The following EIF1AY variants were observed in gnomAD, a reference collection of about 807,000 sequenced individuals.
EIF1AY encodes the protein eukaryotic translation initiation factor 1A Y-linked.
For synonymous variants in EIF1AY, 16 were observed against 9.9 expected (o/e 1.62, Z -1.16); for missense variants, 19 against 30.6 (o/e 0.62, Z 0.89).
rs772483555 is a variant in EIF1AY at position 20,589,557 on chromosome Y, T to C, written c.411T>C (p.Asp137=). 1 of 361,402 alleles carries C rather than the reference T, an allele frequency of 2.8e-6. No homozygotes were observed. Among genetic ancestry groups the C allele is most frequent in the Non-Finnish European group, 4.0e-6 (1 of 249,248 alleles). 90.1% of individuals were successfully genotyped at this position (361,402 alleles called of 400,897 possible). A position where few individuals can be genotyped will look rare whatever the true frequency, so the allele number is the denominator to read the frequency against. ...TCCAGTTTGACGATATTGGAGATGA[T>C]GATGAAGACATTGATGATGTAAGTA... ...DEIQFDDIGD[D]DEDIDDI Residue 137 remains aspartate (D), a synonymous_variant, in exon 6 of 7, where the codon GAT becomes GAC. Coordinates refer to ENST00000361365, the MANE Select transcript of EIF1AY (RefSeq NM_004681.4).
At chrY:20,576,261 A>G in intron 1 of EIF1AY, among the ~76,000 whole-genome samples, 2 of 33,767 alleles carry the variant, frequency 5.9e-5, no homozygotes, top group Admixed American at 2.6e-4. Context: ...TGGACAGTTA[A>G]AAGTATTGCT....
chrY:20,579,994 G>A, intron 2 of EIF1AY, among the ~76,000 whole-genome samples: 3 of 30,075 alleles, frequency 1.0e-4, no homozygotes, highest in Non-Finnish European at 1.6e-4. Context: ...CAGCCCTTTG[G>A]AAAGCGAGGT....
At chrY:20,580,420 T>G in intron 2 of EIF1AY, among the ~76,000 whole-genome samples, 1 of 33,016 alleles carries the variant, frequency 3.0e-5, no homozygotes, top group African/African-American at 1.2e-4. Context: ...TGTAATACAA[T>G]TCTAATAATT....
At chrY:20,575,955 G>C in intron 1 of EIF1AY, 68 bp downstream of exon 1, 1 of 315,490 alleles carries the variant, frequency 3.2e-6, no homozygotes, top group Non-Finnish European at 4.7e-6. Context: ...CCTGTTCCAG[G>C]CCGCAGTGAC....
intron 4 of EIF1AY, chrY:20,586,818 GTT>G (rs2089354737): frequency 3.0e-5 from 1 of 33,691 alleles, no homozygotes; most frequent in African/African-American, 1.2e-4. Flanking sequence ...CATTGACTTT[GTT>G]TCTTTTTCAT....
chrY:20,583,380 GAAAA>G, intron 3 of EIF1AY, among the ~76,000 whole-genome samples: 1 of 24,622 alleles, frequency 4.1e-5, no homozygotes, highest in African/African-American at 1.6e-4. Context: ...ATCTCAAAAA[GAAAA>G]AAAAAAAAAT....
In EIF1AY at chrY:20,575,915, C is replaced by T. The variant is rs9341310; in HGVS notation, c.16+28C>T. 3 of 374,989 alleles carry T rather than the reference C, an allele frequency of 8.0e-6. No homozygotes were observed. In the South Asian group the frequency reaches 9.7e-5, roughly 12 times the overall value. 93.5% of individuals were successfully genotyped at this position (374,989 alleles called of 400,897 possible). ...ACTGCTGTAAGCCTCTGGGACTATA[C>T]CTCGGCTTGCTCTGCCAGTAACCCC... is the stretch of plus-strand genomic sequence containing the variant. On this transcript the variant is annotated intron_variant, in intron 1 of 6. Coordinates refer to ENST00000361365, the MANE Select transcript of EIF1AY (RefSeq NM_004681.4).
chrY:20,590,362 G>A, intron 6 of EIF1AY, among the ~76,000 whole-genome samples: 1 of 32,126 alleles, frequency 3.1e-5, no homozygotes, highest in Non-Finnish European at 7.6e-5. Flanking sequence ...AAAGTCCAGC[G>A]GGCGTGGTGG....
intron 3 of EIF1AY, among the ~76,000 whole-genome samples, chrY:20,583,294 G>T: frequency 0.33 from 2 of 6 alleles, no homozygotes; most frequent in African/African-American, 0.67. Context: ...TGAGGAGGCT[G>T]AGCCAGGAGT....
At position 20,590,089 on chromosome Y, in the gene EIF1AY, A is replaced by G. The variant is rs576414657; in HGVS notation, c.429+514A>G. Among the ~76,000 whole-genome samples the G allele has an allele frequency of 1.8e-3, 47 of 26,853 alleles. No homozygotes were observed. The South Asian group carries it at 0.026, about 15-fold the overall frequency. The allele number at this position is 26,853 out of a possible 37,273, so 72.0% of individuals were successfully genotyped here. On this transcript the variant is annotated intron_variant, in intron 6 of 6. Transcript: ENST00000361365. ...TTGAGAGAGAGAGAGGGAGAGGGGG[A>G]GAGAGAGAGAGAGAGAGAGAGAGTG...
chrY:20,580,706 G>A, intron 2 of EIF1AY, among the ~76,000 whole-genome samples: 1 of 33,312 alleles, frequency 3.0e-5, no homozygotes, highest in African/African-American at 1.2e-4. Flanking sequence ...CAGATAACTA[G>A]TAACATGAAT....
At chrY:20,575,977 C>T in intron 1 of EIF1AY, 90 bp downstream of exon 1, 1 of 249,076 alleles carries the variant, frequency 4.0e-6, no homozygotes, top group Non-Finnish European at 6.4e-6. Context: ...GTTCTAACGG[C>T]GGTACTGGCC....
chrY:20,590,313 A>G, intron 6 of EIF1AY, among the ~76,000 whole-genome samples: 1 of 32,386 alleles, frequency 3.1e-5, no homozygotes, highest in South Asian at 7.0e-4. Context: ...GTCATTCTTG[A>G]TGTAATCTGT....
At chrY:20,581,810 T>C (rs1024727512) in intron 2 of EIF1AY, among the ~76,000 whole-genome samples, 2 of 33,465 alleles carry the variant, frequency 6.0e-5, no homozygotes, top group Non-Finnish European at 1.5e-4. Context: ...TATTTTGAAA[T>C]GTGCCACCGT....
At chrY:20,577,718 C>G in intron 1 of EIF1AY, among the ~76,000 whole-genome samples, 1 of 27,197 alleles carries the variant, frequency 3.7e-5, no homozygotes, top group Non-Finnish European at 8.4e-5. Context: ...AGGAGAATGG[C>G]GTGAACCCGG....
intron 1 of EIF1AY, among the ~76,000 whole-genome samples, chrY:20,576,209 A>G: frequency 3.0e-5 from 1 of 33,604 alleles, no homozygotes. Context: ...CTTCCCTGCT[A>G]CTTTCCTGGA....
At chrY:20,590,633 C>CA (rs779872718) in intron 6 of EIF1AY, among the ~76,000 whole-genome samples, 29 of 16,805 alleles carry the variant, frequency 1.7e-3, no homozygotes, top group Admixed American at 4.7e-3. Context: ...GACTCCATCT[C>CA]AAAAAAAAAA....
chrY:20,577,239 G>A, intron 1 of EIF1AY, among the ~76,000 whole-genome samples: 1 of 33,402 alleles, frequency 3.0e-5, no homozygotes, highest in Admixed American at 2.7e-4. Flanking sequence ...TTGTAGGGTA[G>A]AACTTTTAAA....
chrY:20,585,761 A>T (rs2089354042), intron 4 of EIF1AY, among the ~76,000 whole-genome samples: 1 of 32,351 alleles, frequency 3.1e-5, no homozygotes, highest in Non-Finnish European at 7.6e-5. Context: ...TAGATAAACT[A>T]AGTCCAACTT....
Sources: allele counts gnomAD v4.1 joint callset (sites outside exome capture counted in the v4.1 genomes callset), GRCh38; gene constraint gnomAD v4.1.1; transcripts MANE v1.5; gene names NCBI Gene and HGNC (gene_info 2026-07-23, HGNC 2026-07-21).